Variants in NSDHL observed in about 807,000 individuals in gnomAD.
NSDHL encodes sterol-4-alpha-carboxylate 3-dehydrogenase, decarboxylating.
NSDHL carries 1 observed loss-of-function variant against 23.0 expected under a neutral mutation model. That is an observed-to-expected ratio of 0.04 (90% CI 0.02 to 0.21). The LOEUF (loss-of-function observed/expected upper bound fraction) is 0.21. Ranked by LOEUF, NSDHL falls within the 10% of genes least tolerant of loss-of-function variation. The pLI is 1.00. For missense variants in NSDHL, 237 were observed against 300.9 expected, an observed-to-expected ratio of 0.79 and a Z score of 1.57; for synonymous variants, 128 against 121.1, an observed-to-expected ratio of 1.06 and a Z score of -0.37.
In NSDHL at chrX:152,868,775, T is replaced by C; in HGVS notation, c.790-9T>C. ...TGTTTCTAACTTCTTGTTCTTGTTC[T>C]CCCGCCAGGCATTTCACATCACCAA... On this transcript the variant is annotated splice_polypyrimidine_tract_variant and intron_variant, in intron 7 of 7. Transcript: ENST00000370274. 3.3e-6 allele frequency: 4 copies of C among 1,204,537 alleles called. No homozygotes were observed. Among genetic ancestry groups the C allele is most frequent in the Non-Finnish European group, 4.5e-6 (4 of 890,623 alleles).
chrX:152,835,074 G>T (rs1380876755), intron 1 of NSDHL, among the ~76,000 whole-genome samples: 6 of 111,949 alleles, frequency 5.4e-5, no homozygotes, highest in Non-Finnish European at 1.1e-4. Context: ...TCCAGGAAAT[G>T]TTCCCCAGCA....
chrX:152,837,341 G>C (rs1933115202), intron 1 of NSDHL, among the ~76,000 whole-genome samples: 2 of 111,741 alleles, frequency 1.8e-5, no homozygotes, highest in Non-Finnish European at 1.9e-5. Context: ...TGTTGAATAG[G>C]AGTGGTGAGA....
At chrX:152,841,741 A>G (rs909298891) in intron 1 of NSDHL, among the ~76,000 whole-genome samples, 9 of 112,178 alleles carry the variant, frequency 8.0e-5, no homozygotes, top group Non-Finnish European at 1.7e-4. Context: ...TGCTCTTTGG[A>G]GTCTTGTTTT....
Position 152,869,098 on chromosome X carries a change from C to A in NSDHL, c.1104C>A (p.His368Gln). ...AGAGGACCGTGCAGAGCTTTCGCCA[C>A]CTGCGGAGGGTCAAGTGAGGGACAC... ...AMERTVQSFR[H>Q]LRRVK The change falls in exon 8 of 8, where the codon CAC becomes CAA. Residue 368 changes from histidine to glutamine, a missense_variant. His to Gln is a conservative substitution (Grantham distance 24). This residue lies in a region of NSDHL where 117 missense variants were observed against 99.5 expected (regional missense o/e 1.18). Transcript: ENST00000370274. 2 of 1,210,376 alleles carry A rather than the reference C, an allele frequency of 1.7e-6. No individual in the cohort carries two copies. The highest frequency in any genetic ancestry group is 2.2e-6 in the Non-Finnish European group (2 of 893,996).
intron 6 of NSDHL, among the ~76,000 whole-genome samples, 198 bp downstream of exon 6, chrX:152,866,159 G>C (rs1270367407): frequency 8.9e-6 from 1 of 112,493 alleles, no homozygotes; most frequent in East Asian, 2.8e-4. Flanking sequence ...CCAGATCAAG[G>C]CGTTCCCAGA....
chrX:152,837,246 G>C (rs1933112896), intron 1 of NSDHL, among the ~76,000 whole-genome samples: 1 of 111,789 alleles, frequency 8.9e-6, no homozygotes, highest in South Asian at 3.8e-4. Context: ...TGCAAACAGG[G>C]ACAATTTGAC....
In NSDHL at chrX:152,868,550, A is replaced by C. The variant is rs370025995; in HGVS notation, c.790-234A>C. Among the ~76,000 whole-genome samples, 67 of 112,851 alleles carry C rather than the reference A, an allele frequency of 5.9e-4. 1 individual carries two copies. Among genetic ancestry groups the C allele is most frequent in the African/African-American group, 2.1e-3 (64 of 31,105 alleles). ...ATGATGATTAACAATTATCAAATTA[A>C]CAAATGTGCCTTTCCAAGTGCAATC... On this transcript the variant is annotated intron_variant, in intron 7 of 7. Coordinates refer to ENST00000370274, the MANE Select transcript of NSDHL (RefSeq NM_015922.3).
At chrX:152,843,035 T>G (rs1223588095) in intron 1 of NSDHL, among the ~76,000 whole-genome samples, 1 of 112,152 alleles carries the variant, frequency 8.9e-6, no homozygotes, top group Non-Finnish European at 1.9e-5. Flanking sequence ...CCAAAATTCT[T>G]ATCTGACTCA....
chrX:152,846,524 G>C, intron 2 of NSDHL, 92 bp downstream of exon 2: 2 of 609,829 alleles, frequency 3.3e-6, no homozygotes, highest in South Asian at 4.7e-5. Context: ...AATCAATGTT[G>C]GGTATTTTTT....
chrX:152,867,121 C>A (rs1179332980), intron 6 of NSDHL, among the ~76,000 whole-genome samples: 2 of 112,121 alleles, frequency 1.8e-5, no homozygotes, highest in Non-Finnish European at 3.8e-5. Context: ...TTTCTCCTCT[C>A]TCTCTTCCTT....
At chrX:152,835,259 G>A (rs1933074406) in intron 1 of NSDHL, among the ~76,000 whole-genome samples, 1 of 109,493 alleles carries the variant, frequency 9.1e-6, no homozygotes, top group Non-Finnish European at 1.9e-5. Flanking sequence ...CTCAGATTAG[G>A]ATTAGTGAGG....
chrX:152,855,307 G>A (rs1933427944), intron 3 of NSDHL, among the ~76,000 whole-genome samples: 1 of 111,750 alleles, frequency 8.9e-6, no homozygotes, highest in Admixed American at 9.5e-5. Flanking sequence ...CCCGGCCCAT[G>A]ACACTTTTAA....
At position 152,867,618 on chromosome X, in the gene NSDHL, A is replaced by G; in HGVS notation, c.734A>G (p.His245Arg). The change falls in exon 7 of 8, where the codon CAT becomes CGT. Residue 245 changes from histidine to arginine, a missense_variant. Transcript: ENST00000370274. ...TTCACCTTTGTGGAGAACGTGGTCC[A>G]TGGACACATCCTGGCGGCAGAGCAG... ...VDFTFVENVV[H>R]GHILAAEQLS... is the part of the protein sequence containing the mutation. The G allele has an allele frequency of 1.7e-6, 2 of 1,211,080 alleles. No individual in the cohort carries two copies. Among genetic ancestry groups the G allele is most frequent in the Non-Finnish European group, 2.2e-6 (2 of 894,610 alleles).
intron 4 of NSDHL, among the ~76,000 whole-genome samples, chrX:152,859,447 A>G (rs183874572): frequency 8.0e-5 from 9 of 111,899 alleles, no homozygotes; most frequent in African/African-American, 2.9e-4. Flanking sequence ...TTTGACAACT[A>G]TAGGGACCTC....
At chrX:152,839,645 G>A in intron 1 of NSDHL, among the ~76,000 whole-genome samples, 1 of 112,764 alleles carries the variant, frequency 8.9e-6, no homozygotes, top group East Asian at 2.8e-4. Context: ...CTTCTGGCTT[G>A]TAGGGTTTCT....
At chrX:152,843,620 G>T (rs1465584736) in intron 1 of NSDHL, among the ~76,000 whole-genome samples, 2 of 111,946 alleles carry the variant, frequency 1.8e-5, no homozygotes, top group African/African-American at 6.5e-5. Context: ...ACTTGTCATT[G>T]GATTTAGGGC....
Position 152,867,661 on chromosome X carries a change from A to G in NSDHL, c.777A>G (p.Thr259=). Residue 259 remains threonine (T), a synonymous_variant, in exon 7 of 8, where the codon ACA becomes ACG. Coordinates refer to ENST00000370274, the MANE Select transcript of NSDHL (RefSeq NM_015922.3). ...CAGAGCAGCTCTCCCGAGACTCGAC[A>G]CTGGGTGGGAAGGTAAGGCCTGCTG... The part of the protein sequence containing the change: ...LAAEQLSRDS[T]LGGKAFHITN... 1 of 1,196,037 alleles carries G rather than the reference A, an allele frequency of 8.4e-7. No individual in the cohort carries two copies. The highest frequency in any genetic ancestry group is 1.1e-6 in the Non-Finnish European group (1 of 881,175).
intron 5 of NSDHL, among the ~76,000 whole-genome samples, chrX:152,864,398 G>A (rs1382383537): frequency 1.8e-5 from 2 of 112,193 alleles, no homozygotes; most frequent in African/African-American, 6.5e-5. Flanking sequence ...GCCTCCCTGC[G>A]CCTTGCAGGC....
intron 6 of NSDHL, among the ~76,000 whole-genome samples, chrX:152,866,933 C>A (rs782490705): frequency 3.6e-5 from 4 of 111,578 alleles, no homozygotes; most frequent in Non-Finnish European, 7.5e-5. Flanking sequence ...GAAACCGTGA[C>A]TCAGAGGGAA....
Sources: allele counts gnomAD v4.1 joint callset (sites outside exome capture counted in the v4.1 genomes callset), GRCh38; gene constraint gnomAD v4.1.1; regional missense constraint gnomAD v4.1.1; transcripts MANE v1.5; gene names NCBI Gene and HGNC (gene_info 2026-07-23, HGNC 2026-07-21).